CCDC14: variants seen among roughly 807,000 people sequenced by gnomAD.
CCDC14 encodes the protein coiled-coil domain containing 14.
In CCDC14, 71 loss-of-function variants were observed where a neutral mutation model predicts 81.4. The observed-to-expected ratio is 0.87, with a 90% CI of 0.72 to 1.06. The LOEUF (loss-of-function observed/expected upper bound fraction) is 1.06. CCDC14 is among the 50% of genes least tolerant of loss of function. The probability of loss-of-function intolerance (pLI) is 0.00; values close to 1 mark genes in which losing one functional copy is unlikely to be tolerated. For synonymous variants in CCDC14, 332 were observed against 364.8 expected (o/e 0.91, Z 1.03); for missense variants, 1,046 against 1,047.3 (o/e 1.00, Z 0.02).
At chr3:123,897,720 T>C (rs1258698334) in intron 5 of CCDC14, 1 of 427,590 alleles carries the variant, frequency 2.3e-6, no homozygotes, top group African/African-American at 2.1e-5. Context: ...TTTATAAACC[T>C]ATAGGTTCTC....
intron 12 of CCDC14, among the ~76,000 whole-genome samples, chr3:123,926,771 A>G (rs538117112): frequency 1.3e-5 from 2 of 151,766 alleles, no homozygotes; most frequent in East Asian, 3.9e-4. Flanking sequence ...CAGTCCCATT[A>G]CTCCTCCCCC....
intron 12 of CCDC14, among the ~76,000 whole-genome samples, chr3:123,922,156 T>G (rs775155571): frequency 6.6e-6 from 1 of 152,026 alleles, no homozygotes; most frequent in Non-Finnish European, 1.5e-5. Context: ...AAAAGGGTAA[T>G]AAAATAATAC....
the CCDC14 span, among the ~76,000 whole-genome samples, chr3:123,886,141 C>CTT: frequency 2.6e-3 from 386 of 146,578 alleles, 3 homozygotes; most frequent in Admixed American, 9.5e-3. Flanking sequence ...TTCTAGTAGT[C>CTT]TTTTTTTTTT....
At chr3:123,895,977 T>C (rs1188842484), downstream of CCDC14, among the ~76,000 whole-genome samples, 2 of 152,228 alleles carry the variant, frequency 1.3e-5, no homozygotes, top group Admixed American at 6.5e-5. Context: ...CCCATGCTCA[T>C]TGCAGCATTA....
At chr3:123,923,488 G>C (rs1167784992) in intron 12 of CCDC14, among the ~76,000 whole-genome samples, 1 of 151,954 alleles carries the variant, frequency 6.6e-6, no homozygotes. Flanking sequence ...AAATGAAATT[G>C]TCTGTTTGCT....
At chr3:123,890,433 AAGCAAGTT>A in the CCDC14 span, among the ~76,000 whole-genome samples, 2 of 152,206 alleles carry the variant, frequency 1.3e-5, no homozygotes, top group African/African-American at 4.8e-5. Context: ...GTAAAATCAA[AAGCAAGTT>A]AGTTACTTCC....
intron 8 of CCDC14, among the ~76,000 whole-genome samples, chr3:123,946,346 A>G (rs2036624548): frequency 6.6e-6 from 1 of 152,170 alleles, no homozygotes; most frequent in Non-Finnish European, 1.5e-5. Flanking sequence ...AAAGGGCATA[A>G]GAAGGTATGC....
chr3:123,947,356 G>A (rs1266812445), intron 7 of CCDC14, 37 bp from the exon 8 acceptor site: 2 of 1,500,114 alleles, frequency 1.3e-6, no homozygotes, highest in Non-Finnish European at 1.8e-6. Context: ...AGAAGTATGA[G>A]CACTCATTTG....
At chr3:123,932,910 C>A (rs1277964477) in intron 10 of CCDC14, among the ~76,000 whole-genome samples, 1 of 151,906 alleles carries the variant, frequency 6.6e-6, no homozygotes, top group Non-Finnish European at 1.5e-5. Context: ...ACCAGCCTGG[C>A]CAACATGATG....
At chr3:123,956,329 T>A in intron 3 of CCDC14, 26 bp downstream of exon 3, 2 of 1,461,226 alleles carry the variant, frequency 1.4e-6, no homozygotes, top group Non-Finnish European at 1.9e-6. Context: ...ATTAAAATAG[T>A]GTGTATTGTA....
At position 123,915,191 on chromosome 3, in the gene CCDC14, G is replaced by A; in HGVS notation, c.2306C>T (p.Ala769Val). 1 of 1,613,702 alleles carries A rather than the reference G, an allele frequency of 6.2e-7. No individual in the cohort carries two copies. The highest frequency in any genetic ancestry group is 8.5e-7 in the Non-Finnish European group (1 of 1,179,718). Reference sequence around the variant, plus strand: ...CAGTTTATTTTCTTTTCCAGAGACAGCAAGTCCGCTGTTGCTGACTAGCTG... The same window carrying A: ...CAGTTTATTTTCTTTTCCAGAGACAACAAGTCCGCTGTTGCTGACTAGCTG... The part of the protein sequence containing the change: ...TTQLVSNSGL[A>V]VSGKENKLCT... Residue 769 changes from alanine to valine, a missense_variant, in exon 13 of 13, where the codon GCT becomes GTT. Ala to Val is a moderately conservative substitution (Grantham distance 64). Coordinates refer to ENST00000409697, the MANE Select transcript of CCDC14 (RefSeq NM_001366335.1).
At chr3:123,937,895 A>G (rs891764961) in intron 9 of CCDC14, among the ~76,000 whole-genome samples, 1 of 151,804 alleles carries the variant, frequency 6.6e-6, no homozygotes, top group African/African-American at 2.4e-5. Context: ...TCATTGTTTC[A>G]GCACTATTTA....
intron 5 of CCDC14, chr3:123,953,607 A>T (rs1256896218): frequency 6.6e-6 from 1 of 152,180 alleles, no homozygotes; most frequent in Non-Finnish European, 1.5e-5. Context: ...CCCAGACCTG[A>T]TATACATCAG....
At chr3:123,933,164 G>C (rs2035846573) in intron 10 of CCDC14, among the ~76,000 whole-genome samples, 1 of 151,970 alleles carries the variant, frequency 6.6e-6, no homozygotes, top group African/African-American at 2.4e-5. Flanking sequence ...CATATACAAA[G>C]ATTTTCACTG....
At chr3:123,937,809 T>G (rs12638706) in intron 9 of CCDC14, among the ~76,000 whole-genome samples, 13,035 of 151,962 alleles carry the variant, frequency 0.086, 1,400 homozygotes, top group East Asian at 0.42. Flanking sequence ...CATTAAGATC[T>G]GTGATTCATT....
chr3:123,911,376 T>C (rs1293522887), downstream of CCDC14, among the ~76,000 whole-genome samples: 4 of 152,268 alleles, frequency 2.6e-5, no homozygotes, highest in East Asian at 7.7e-4. Context: ...AGAACCCACA[T>C]GTTTAAGCAA....
chr3:123,958,255 A>G (rs1266555864), intron 1 of CCDC14: 1 of 152,122 alleles, frequency 6.6e-6, no homozygotes, highest in Admixed American at 6.5e-5. Flanking sequence ...TGACACTATA[A>G]TACTATACCC....
At chr3:123,942,588 A>G (rs1251854217) in intron 9 of CCDC14, among the ~76,000 whole-genome samples, 1 of 152,028 alleles carries the variant, frequency 6.6e-6, no homozygotes, top group Non-Finnish European at 1.5e-5. Context: ...CAACTATTTA[A>G]TTGCTTTCCA....
intron 8 of CCDC14, 67 bp from the exon 9 acceptor site, chr3:123,945,057 T>C: frequency 9.7e-7 from 1 of 1,034,384 alleles, no homozygotes; most frequent in Non-Finnish European, 1.3e-6. Flanking sequence ...TAGTATGTAT[T>C]ACTAAAAAAG....
Sources: allele counts gnomAD v4.1 joint callset (sites outside exome capture counted in the v4.1 genomes callset), GRCh38; gene constraint gnomAD v4.1.1; transcripts MANE v1.5; gene names NCBI Gene and HGNC (gene_info 2026-07-23, HGNC 2026-07-21).